Variants in PPP1R9A observed in about 807,000 individuals in gnomAD.
The protein encoded by PPP1R9A is neurabin-1.
A neutral mutation model predicts 141.9 loss-of-function variants in PPP1R9A; 59 were observed. That is an observed-to-expected ratio of 0.42 (90% CI 0.34 to 0.52). The LOEUF (loss-of-function observed/expected upper bound fraction) is 0.52. PPP1R9A is among the 20% of genes least tolerant of loss of function. The pLI, the probability that PPP1R9A is intolerant of heterozygous loss-of-function variation, is 0.10. For missense variants in PPP1R9A, 1,444 were observed against 1,611.9 expected, an observed-to-expected ratio of 0.90 and a Z score of 1.78; for synonymous variants, 500 against 569.7, an observed-to-expected ratio of 0.88 and a Z score of 1.74.
In PPP1R9A at chr7:95,082,762, ATTTCTTTT is replaced by A. The variant is rs1816059824; in HGVS notation, c.1396-28493_1396-28486del. ...AGAAAAAAAGTGTAGGGTGGAAGGG[ATTTCTTTT>A]TTTTTTTTTTTTTTTTTTTGAGACG... On this transcript the variant is annotated intron_variant, in intron 2 of 19. Transcript: ENST00000433360. 4.2e-5 allele frequency among the ~76,000 whole-genome samples: 4 copies of A among 95,864 alleles called. 1 individual carries two copies. The South Asian group carries it at 1.2e-3, about 28-fold the overall frequency. The allele number at this position is 95,864 out of a possible 152,430, so 62.9% of individuals were successfully genotyped here.
chr7:95,277,370 A>G (rs1441254396), intron 16 of PPP1R9A, among the ~76,000 whole-genome samples: 1 of 152,240 alleles, frequency 6.6e-6, no homozygotes, highest in Non-Finnish European at 1.5e-5. Context: ...AACCCAACAA[A>G]GAAATATGAC....
At chr7:94,926,709 T>C (rs1793528860) in intron 2 of PPP1R9A, among the ~76,000 whole-genome samples, 1 of 152,192 alleles carries the variant, frequency 6.6e-6, no homozygotes, top group Non-Finnish European at 1.5e-5. Context: ...AATTACTTTT[T>C]TGGGGTCATT....
rs773112002 is a variant in PPP1R9A, at chr7:95,288,619, C to A, written c.3813C>A (p.His1271Gln). The A allele has an allele frequency of 2.5e-6, 4 of 1,614,122 alleles. No homozygotes were observed. Among genetic ancestry groups the A allele is most frequent in the Non-Finnish European group, 3.4e-6 (4 of 1,180,018 alleles). ...AATGGAGTGTGCAGCAGGTTTCTCA[C>A]TGGTTAATGAGCCTAAATCTGGAGC... The part of the protein sequence containing the change: ...VQEWSVQQVS[H>Q]WLMSLNLEQY... Residue 1271 changes from histidine to glutamine, a missense_variant, in exon 19 of 20, where the codon CAC (histidine) becomes CAA (glutamine). Transcript: ENST00000433360.
intron 2 of PPP1R9A, among the ~76,000 whole-genome samples, chr7:94,980,182 TAAAAAAA>T (rs71292968): frequency 7.9e-6 from 1 of 126,164 alleles, no homozygotes. Context: ...GCTGATGAGC[TAAAAAAA>T]AAAAAAAAAA....
intron 5 of PPP1R9A, among the ~76,000 whole-genome samples, chr7:95,173,866 C>G (rs1172699249): frequency 6.6e-6 from 1 of 151,980 alleles, no homozygotes; most frequent in Admixed American, 6.6e-5. Flanking sequence ...AAGACTGATA[C>G]CACTATGCAT....
chr7:95,289,977 T>C, intron 19 of PPP1R9A, 114 bp from the exon 20 acceptor site: 1 of 1,487,096 alleles, frequency 6.7e-7, no homozygotes, highest in Middle Eastern at 1.9e-4. Flanking sequence ...TCTTCCTCTG[T>C]TCTTACCTCT....
intron 2 of PPP1R9A, among the ~76,000 whole-genome samples, chr7:95,030,043 G>A (rs1439117786): frequency 1.3e-5 from 2 of 152,156 alleles, no homozygotes; most frequent in Non-Finnish European, 2.9e-5. Context: ...ATATCTCATC[G>A]CTAACTCTAT....
At chr7:95,173,768 C>T (rs942885352) in intron 5 of PPP1R9A, among the ~76,000 whole-genome samples, 5 of 151,988 alleles carry the variant, frequency 3.3e-5, no homozygotes, top group African/African-American at 9.7e-5. Context: ...ACATGAAATG[C>T]TGCTTAACAT....
chr7:95,231,614 C>T (rs1254298835), intron 8 of PPP1R9A, among the ~76,000 whole-genome samples: 1 of 152,062 alleles, frequency 6.6e-6, no homozygotes, highest in Non-Finnish European at 1.5e-5. Context: ...AATGCAAATA[C>T]ATGGTAATTA....
chr7:95,269,190 ATC>A lies in PPP1R9A; in HGVS notation c.2824-13_2824-12del, dbSNP rs1248785291. On this transcript the variant is annotated splice_polypyrimidine_tract_variant and intron_variant, in intron 13 of 19. Coordinates refer to ENST00000433360, the MANE Select transcript of PPP1R9A (RefSeq NM_001166160.2). Reference sequence around the variant, plus strand: ...ACTCAGTGGCATAACCTTCCTTATAATCTCTTATACCAACAGCCATCAAACAG... The same window carrying A: ...ACTCAGTGGCATAACCTTCCTTATAATCTTATACCAACAGCCATCAAACAG... The A allele has an allele frequency of 4.0e-6, 6 of 1,501,688 alleles. No individual in the cohort carries two copies. Among genetic ancestry groups the A allele is most frequent in the Non-Finnish European group, 4.5e-6 (5 of 1,100,866 alleles). 93.0% of individuals were successfully genotyped at this position (1,501,688 alleles called of 1,614,324 possible). A position where few individuals can be genotyped will look rare whatever the true frequency, so the allele number is the denominator to read the frequency against.
At chr7:95,079,805 A>T (rs1815502458) in intron 2 of PPP1R9A, among the ~76,000 whole-genome samples, 1 of 152,240 alleles carries the variant, frequency 6.6e-6, no homozygotes, top group Non-Finnish European at 1.5e-5. Flanking sequence ...CAATAAATGT[A>T]ATCCGGCATA....
chr7:94,959,616 T>A (rs1044613804), intron 2 of PPP1R9A, among the ~76,000 whole-genome samples: 5 of 151,738 alleles, frequency 3.3e-5, no homozygotes, highest in African/African-American at 1.2e-4. Context: ...ATATAGTGAC[T>A]GTAATGTTCT....
rs184410147 is a variant in PPP1R9A at position 94,927,482 on chromosome 7, A to G, written c.1395+15974A>G. Among the ~76,000 whole-genome samples the G allele has an allele frequency of 3.7e-3, 559 of 152,306 alleles. 3 individuals are homozygous for G. The highest frequency in any genetic ancestry group is 0.013 in the African/African-American group (524 of 41,574). ...GAGATTAATATTATAACATTTTATA[A>G]TTACTATATAGGCATTAGTCAAGGC... On this transcript the variant is annotated intron_variant, in intron 2 of 19. Coordinates refer to ENST00000433360, the MANE Select transcript of PPP1R9A (RefSeq NM_001166160.2).
At chr7:95,278,289 G>A (rs550508902) in intron 16 of PPP1R9A, among the ~76,000 whole-genome samples, 2 of 152,256 alleles carry the variant, frequency 1.3e-5, no homozygotes, top group Admixed American at 1.3e-4. Context: ...ATGTGTAGGA[G>A]AATAATGAAT....
At chr7:94,933,640 A>C (rs186074396) in intron 2 of PPP1R9A, among the ~76,000 whole-genome samples, 1 of 152,328 alleles carries the variant, frequency 6.6e-6, no homozygotes, top group Admixed American at 6.5e-5. Context: ...TGATGATGAT[A>C]ATAAAATAGA....
intron 2 of PPP1R9A, among the ~76,000 whole-genome samples, chr7:95,011,551 C>T (rs180769517): frequency 1.1e-3 from 167 of 152,222 alleles, no homozygotes; most frequent in African/African-American, 1.9e-3. Context: ...TAATATTTTT[C>T]ACTTTCTTCA....
At chr7:94,995,399 CTTCTTT>C (rs1802048588) in intron 2 of PPP1R9A, among the ~76,000 whole-genome samples, 1 of 151,690 alleles carries the variant, frequency 6.6e-6, no homozygotes. Context: ...TTTTCTTTCC[CTTCTTT>C]TTCTTTTCCT....
chr7:95,100,748 C>A (rs1297091918), intron 2 of PPP1R9A, among the ~76,000 whole-genome samples: 2 of 152,052 alleles, frequency 1.3e-5, no homozygotes, highest in African/African-American at 4.8e-5. Context: ...TCCTGAGGCC[C>A]CTAGGCTTTT....
chr7:95,219,246 A>G (rs562300662), intron 7 of PPP1R9A, among the ~76,000 whole-genome samples: 76 of 152,254 alleles, frequency 5.0e-4, no homozygotes, highest in Non-Finnish European at 9.0e-4. Context: ...TTGGCTGGAT[A>G]TGAAATTCTG....
Sources: allele counts gnomAD v4.1 joint callset (sites outside exome capture counted in the v4.1 genomes callset), GRCh38; gene constraint gnomAD v4.1.1; transcripts MANE v1.5; gene names NCBI Gene and HGNC (gene_info 2026-07-23, HGNC 2026-07-21).